Variants in RIN2 observed in about 807,000 individuals in gnomAD.
The protein encoded by RIN2 is RAB5 interacting protein 2.
A neutral mutation model predicts 78.0 loss-of-function variants in RIN2; 36 were observed. The observed-to-expected ratio is 0.46, with a 90% CI of 0.35 to 0.61. The LOEUF is 0.61. Among genes scored for constraint, RIN2 ranks in the 20% least tolerant of loss-of-function variants. RIN2 has a pLI of 0.00. For missense variants in RIN2, 1,087 were observed against 1,159.7 expected (o/e 0.94, Z 0.91); for synonymous variants, 466 against 466.8 (o/e 1.00, Z 0.02).
rs143837573 is a variant in RIN2 at position 19,844,113 on chromosome 20, T to A, written c.-37+44366T>A. On this transcript the variant is annotated intron_variant, in intron 2 of 12. Transcript: ENST00000255006. ...ATTCCAATGCCAAAATAAGGGAGAG[T>A]AGCTCTAGAAATGATGTTGGTGGAG... is the stretch of plus-strand genomic sequence containing the variant. Among the ~76,000 whole-genome samples, 70 of 151,578 alleles carry A rather than the reference T, an allele frequency of 4.6e-4. 1 individual carries two copies. The highest frequency in any genetic ancestry group is 1.5e-3 in the African/African-American group (60 of 41,266).
intron 9 of RIN2, among the ~76,000 whole-genome samples, chr20:19,977,536 G>A (rs1324137604): frequency 6.6e-6 from 1 of 152,184 alleles, no homozygotes; most frequent in African/African-American, 2.4e-5. Context: ...CCTCACCCCT[G>A]TGAACAGGCA....
At chr20:19,968,889 A>C (rs549951403) in intron 7 of RIN2, among the ~76,000 whole-genome samples, 1 of 152,250 alleles carries the variant, frequency 6.6e-6, no homozygotes, top group African/African-American at 2.4e-5. Context: ...GTCAGGCAGC[A>C]GCTATTACAG....
At chr20:19,858,542 T>C (rs1363181814) in intron 2 of RIN2, among the ~76,000 whole-genome samples, 1 of 152,188 alleles carries the variant, frequency 6.6e-6, no homozygotes, top group Admixed American at 6.5e-5. Flanking sequence ...CCCTGATCTA[T>C]TGCCTAGAAA....
chr20:19,969,767 AAAAC>A (rs11471375), intron 7 of RIN2, among the ~76,000 whole-genome samples: 67,127 of 151,434 alleles, frequency 0.44, 16,351 homozygotes, highest in East Asian at 0.85. Context: ...CCACTGGAAA[AAAAC>A]AAACAAACAA....
rs147678875 is a variant in RIN2, at chr20:19,779,576, G to C, written c.-162-20046G>C. ...GTGTTCAAATTCCAGGATCTATGTTGACCCCTAGGATGAAAAATTGATTCA... is the reference window on the plus strand; with the variant it reads ...GTGTTCAAATTCCAGGATCTATGTTCACCCCTAGGATGAAAAATTGATTCA... On this transcript the variant is annotated intron_variant, in intron 1 of 12. Coordinates refer to ENST00000255006, the MANE Select transcript of RIN2 (RefSeq NM_018993.4). Among the ~76,000 whole-genome samples the C allele has an allele frequency of 1.4e-3, 215 of 152,320 alleles. 1 individual carries two copies. In the Middle Eastern group the frequency reaches 0.034, roughly 24 times the overall value.
intron 5 of RIN2, among the ~76,000 whole-genome samples, chr20:19,959,609 G>A (rs542212170): frequency 3.1e-4 from 47 of 152,284 alleles, no homozygotes; most frequent in South Asian, 2.7e-3. Context: ...GATATCAACT[G>A]GAGATAAAGA....
At chr20:19,831,981 T>C (rs1448346628) in intron 2 of RIN2, among the ~76,000 whole-genome samples, 2 of 152,120 alleles carry the variant, frequency 1.3e-5, no homozygotes, top group Non-Finnish European at 2.9e-5. Flanking sequence ...ATTATAATAA[T>C]AATGATAGCA....
intron 7 of RIN2, among the ~76,000 whole-genome samples, chr20:19,969,992 A>G (rs1490049059): frequency 6.6e-6 from 1 of 152,220 alleles, no homozygotes. Flanking sequence ...GTCATGGCCC[A>G]TGGCTGTGGC....
chr20:19,827,307 G>A (rs1039696806), intron 2 of RIN2, among the ~76,000 whole-genome samples: 18 of 152,126 alleles, frequency 1.2e-4, no homozygotes, highest in African/African-American at 3.4e-4. Flanking sequence ...ATAGCCCTGC[G>A]AAGTACATAA....
At chr20:19,978,640 A>G (rs542434783) in intron 9 of RIN2, among the ~76,000 whole-genome samples, 1 of 152,250 alleles carries the variant, frequency 6.6e-6, no homozygotes, top group Non-Finnish European at 1.5e-5. Context: ...AGCACTTCCA[A>G]CCAAAAGCCC....
chr20:19,939,863 T>G (rs1465604032), intron 4 of RIN2, among the ~76,000 whole-genome samples: 3 of 151,950 alleles, frequency 2.0e-5, no homozygotes, highest in Non-Finnish European at 2.9e-5. Context: ...TTTTTTTTTT[T>G]TCTTGGAAAC....
chr20:19,943,785 C>T (rs2040975045), intron 4 of RIN2, among the ~76,000 whole-genome samples: 1 of 152,070 alleles, frequency 6.6e-6, no homozygotes, highest in Admixed American at 6.5e-5. Flanking sequence ...CCCCATGCCT[C>T]TCTGCCCACC....
chr20:19,901,108 G>A (rs907398739), intron 3 of RIN2, among the ~76,000 whole-genome samples: 3 of 152,102 alleles, frequency 2.0e-5, no homozygotes, highest in African/African-American at 7.2e-5. Context: ...TTCAATGAGT[G>A]AACGGCACTA....
intron 11 of RIN2, among the ~76,000 whole-genome samples, chr20:19,995,275 A>C (rs900394322): frequency 2.0e-5 from 3 of 150,126 alleles, no homozygotes; most frequent in Admixed American, 2.0e-4. Context: ...AAAAAAAAAA[A>C]AAACAAAACA....
chr20:19,991,149 T>C (rs2042786560), intron 10 of RIN2, among the ~76,000 whole-genome samples: 1 of 152,196 alleles, frequency 6.6e-6, no homozygotes, highest in African/African-American at 2.4e-5. Flanking sequence ...TAACCACTGC[T>C]TGAGTAGACA....
At chr20:19,999,954 G>A (rs979303911) in intron 12 of RIN2, among the ~76,000 whole-genome samples, 5 of 152,180 alleles carry the variant, frequency 3.3e-5, no homozygotes, top group African/African-American at 1.2e-4. Context: ...ATAAAAAATA[G>A]TCAAAAGTCA....
At chr20:19,899,279 A>G (rs1174977532) in intron 3 of RIN2, among the ~76,000 whole-genome samples, 1 of 152,122 alleles carries the variant, frequency 6.6e-6, no homozygotes, top group Non-Finnish European at 1.5e-5. Context: ...AAATCCTCAC[A>G]GTGACGCTCT....
At chr20:19,942,427 T>C (rs1052693164) in intron 4 of RIN2, among the ~76,000 whole-genome samples, 1 of 152,204 alleles carries the variant, frequency 6.6e-6, no homozygotes, top group African/African-American at 2.4e-5. Flanking sequence ...CTGTTATCTT[T>C]GGGAAGTTTT....
intron 2 of RIN2, among the ~76,000 whole-genome samples, chr20:19,870,798 A>G (rs2037668163): frequency 6.6e-6 from 1 of 152,076 alleles, no homozygotes; most frequent in African/African-American, 2.4e-5. Context: ...TTCCACATAC[A>G]CACTCTCTGT....
Sources: gnomAD v4.1 joint callset for allele counts (sites outside exome capture counted in the v4.1 genomes callset) on GRCh38, gnomAD v4.1.1 for gene constraint, MANE v1.5 for transcripts, NCBI Gene and HGNC (gene_info 2026-07-23, HGNC 2026-07-21) for gene names.